Variants in FAIM2 observed in about 807,000 individuals in gnomAD.
The protein encoded by FAIM2 is Fas apoptotic inhibitory molecule 2.
FAIM2 carries 27 observed loss-of-function variants against 47.4 expected under a neutral mutation model. That is an observed-to-expected ratio of 0.57 (90% confidence interval 0.42 to 0.78). The LOEUF is 0.78. FAIM2 is among the 30% of genes least tolerant of loss of function. FAIM2 has a pLI of 0.00. For synonymous variants in FAIM2, 156 were observed against 159.3 expected (o/e 0.98, Z 0.16); for missense variants, 311 against 389.4 (o/e 0.80, Z 1.69).
chr12:49,890,110 C>G lies in FAIM2; in HGVS notation c.563+7G>C. Reference sequence around the variant, plus strand: ...GGTCCTTCTCTCCTTCCACCTGTTCCCTTTACCTGGACAGCATCCCAGTGA... The same window carrying G: ...GGTCCTTCTCTCCTTCCACCTGTTCGCTTTACCTGGACAGCATCCCAGTGA... On this transcript the variant is annotated splice_region_variant and intron_variant, in intron 8 of 11. Transcript: ENST00000320634. 1 of 1,613,872 alleles carries G rather than the reference C, an allele frequency of 6.2e-7. No individual in the cohort carries two copies. The highest frequency in any genetic ancestry group is 8.5e-7 in the Non-Finnish European group (1 of 1,179,768).
In FAIM2 at chr12:49,890,090, T is replaced by C. The variant is rs780610693; in HGVS notation, c.563+27A>G. 4.7e-5 allele frequency: 75 copies of C among 1,612,350 alleles called. 1 individual carries two copies. The highest frequency in any genetic ancestry group is 6.3e-5 in the Non-Finnish European group (74 of 1,178,452). On this transcript the variant is annotated intron_variant, in intron 8 of 11. Transcript: ENST00000320634. ...TGGCTCCAAGCCTGGCCTATGGTCC[T>C]TCTCTCCTTCCACCTGTTCCCTTTA...
chr12:49,894,543 G>C (rs1169023941), intron 5 of FAIM2, among the ~76,000 whole-genome samples: 1 of 152,150 alleles, frequency 6.6e-6, no homozygotes, highest in Non-Finnish European at 1.5e-5. Flanking sequence ...GAGAGAGAGA[G>C]AACCAATGAT....
chr12:49,877,949 CGTATGTGTGT>C (rs373540501), intron 11 of FAIM2, among the ~76,000 whole-genome samples: 194 of 144,206 alleles, frequency 1.3e-3, no homozygotes, highest in African/African-American at 4.6e-3. Context: ...TGTATATGTG[CGTATGTGTGT>C]GTATGTGTAT....
chr12:49,896,518 A>G (rs1226045886), intron 5 of FAIM2, among the ~76,000 whole-genome samples: 2 of 152,170 alleles, frequency 1.3e-5, no homozygotes, highest in Admixed American at 1.3e-4. Context: ...ATTTCTCTGA[A>G]CCTTAATTTT....
intron 5 of FAIM2, among the ~76,000 whole-genome samples, chr12:49,892,780 C>T (rs1338619841): frequency 5.3e-5 from 8 of 152,166 alleles, no homozygotes; most frequent in African/African-American, 1.9e-4. Context: ...TCCTTTTCAA[C>T]CCTAGACTCG....
At chr12:49,879,979 TGA>T (rs1406723989) in intron 11 of FAIM2, among the ~76,000 whole-genome samples, 8 of 151,628 alleles carry the variant, frequency 5.3e-5, no homozygotes, top group South Asian at 4.2e-4. Context: ...TGTGTATATG[TGA>T]GTGTATGTGC....
At chr12:49,890,086 G>C in intron 8 of FAIM2, 31 bp downstream of exon 8, 1 of 1,610,868 alleles carries the variant, frequency 6.2e-7, no homozygotes, top group Non-Finnish European at 8.5e-7. Context: ...CTGGCCTATG[G>C]TCCTTCTCTC....
chr12:49,880,327 TCTGTGTGC>T (rs1385091857), intron 11 of FAIM2, among the ~76,000 whole-genome samples: 1 of 150,954 alleles, frequency 6.6e-6, no homozygotes, highest in African/African-American at 2.5e-5. Flanking sequence ...TGTATGTGTG[TCTGTGTGC>T]ATGTTTGTGT....
Position 49,878,825 on chromosome 12 carries a change from TGTGA to T in FAIM2, c.802-8176_802-8173del, listed in dbSNP as rs1300544858. On this transcript the variant is annotated intron_variant, in intron 11 of 11. Coordinates refer to ENST00000320634, the MANE Select transcript of FAIM2 (RefSeq NM_012306.4). ...ATGTGTGCATGTGAATGTGTGTATATGTGAGTGTATGTGTGTGCATGTGTGTATG... is the reference window on the plus strand; with the variant it reads ...ATGTGTGCATGTGAATGTGTGTATATGTGTATGTGTGTGCATGTGTGTATG... Among the ~76,000 whole-genome samples the T allele has an allele frequency of 3.0e-5, 2 of 67,490 alleles. 1 individual carries two copies. The highest frequency in any genetic ancestry group is 9.7e-4 in the East Asian group (2 of 2,052). 44.3% of individuals were successfully genotyped at this position (67,490 alleles called of 152,430 possible).
chr12:49,879,337 T>TG (rs1420689719), intron 11 of FAIM2, among the ~76,000 whole-genome samples: 84 of 148,904 alleles, frequency 5.6e-4, no homozygotes, highest in African/African-American at 4.5e-4. Flanking sequence ...TGTGTATGTG[T>TG]TTATGTGTGC....
rs1234263806 is a variant in FAIM2, at chr12:49,890,168, C to T, written c.526-14G>A. ...CATGGACAGGGTCTGAAAGGAGAAG[C>T]AGGGTAAAGGAATGTTCCAAACTCA... On this transcript the variant is annotated splice_polypyrimidine_tract_variant and intron_variant, in intron 7 of 11. Coordinates refer to ENST00000320634, the MANE Select transcript of FAIM2 (RefSeq NM_012306.4). The T allele has an allele frequency of 1.2e-6, 2 of 1,613,990 alleles. No individual in the cohort carries two copies. Among genetic ancestry groups the T allele is most frequent in the Non-Finnish European group, 1.7e-6 (2 of 1,179,866 alleles).
intron 11 of FAIM2, among the ~76,000 whole-genome samples, chr12:49,871,561 C>T (rs1592782264): frequency 6.6e-6 from 1 of 152,088 alleles, no homozygotes; most frequent in Non-Finnish European, 1.5e-5. Flanking sequence ...ATTTGGCAGG[C>T]GTGGTGCGCT....
chr12:49,897,414 C>T (rs1054285057), intron 4 of FAIM2, 105 bp downstream of exon 4: 3 of 1,067,360 alleles, frequency 2.8e-6, no homozygotes, highest in Non-Finnish European at 4.3e-6. Flanking sequence ...GCCCCACAGG[C>T]ATCTCTCCAG....
intron 5 of FAIM2, among the ~76,000 whole-genome samples, chr12:49,892,279 A>T (rs1946905846): frequency 6.6e-6 from 1 of 151,622 alleles, no homozygotes; most frequent in African/African-American, 2.4e-5. Flanking sequence ...GGGGATCTCC[A>T]TTACTTAAAC....
At chr12:49,884,831 G>A (rs1226790453) in intron 11 of FAIM2, among the ~76,000 whole-genome samples, 4 of 152,218 alleles carry the variant, frequency 2.6e-5, no homozygotes, top group African/African-American at 9.6e-5. Context: ...AAAATTAGCA[G>A]GGCATGGTGG....
intron 5 of FAIM2, among the ~76,000 whole-genome samples, chr12:49,892,990 G>A (rs914404411): frequency 3.3e-5 from 5 of 152,026 alleles, no homozygotes; most frequent in African/African-American, 1.2e-4. Context: ...TTAACCACCT[G>A]GACTTGTTGA....
chr12:49,875,766 G>C (rs951630882), intron 11 of FAIM2, among the ~76,000 whole-genome samples: 2 of 152,198 alleles, frequency 1.3e-5, no homozygotes, highest in African/African-American at 4.8e-5. Flanking sequence ...CCTGAGGTCA[G>C]GAGTTCGAGA....
chr12:49,890,782 T>G, intron 6 of FAIM2, 60 bp from the exon 7 acceptor site: 1 of 1,470,516 alleles, frequency 6.8e-7, no homozygotes, highest in Non-Finnish European at 9.5e-7. Context: ...GGACCCAGGC[T>G]GTGACACTGT....
Position 49,870,402 on chromosome 12 carries a change from G to T in FAIM2, c.*102C>A. On this transcript the variant is annotated 3_prime_UTR_variant, in exon 12 of 12. Coordinates refer to ENST00000320634, the MANE Select transcript of FAIM2 (RefSeq NM_012306.4). The stretch of plus-strand genomic sequence containing the variant: ...AGACAGTGACCTGGCCACAGGCTGG[G>T]TTGGCAGCTAGTTTTATATCTGGTC... 2 of 1,122,388 alleles carry T rather than the reference G, an allele frequency of 1.8e-6. No homozygotes were observed. Among genetic ancestry groups the T allele is most frequent in the Non-Finnish European group, 2.6e-6 (2 of 763,040 alleles). 69.5% of individuals were successfully genotyped at this position (1,122,388 alleles called of 1,614,324 possible). A position where few individuals can be genotyped will look rare whatever the true frequency, so the allele number is the denominator to read the frequency against.
Sources: allele counts gnomAD v4.1 joint callset (sites outside exome capture counted in the v4.1 genomes callset), GRCh38; gene constraint gnomAD v4.1.1; transcripts MANE v1.5; gene names NCBI Gene and HGNC (gene_info 2026-07-23, HGNC 2026-07-21).